The following HMGA2 variants were observed in gnomAD, a reference collection of about 807,000 sequenced individuals.
The protein encoded by HMGA2 is high mobility group protein HMGI-C.
Under a neutral mutation model 19.1 loss-of-function variants are expected in HMGA2, and 8 were observed. That is an observed-to-expected ratio of 0.42 (90% CI 0.25 to 0.76). The LOEUF (loss-of-function observed/expected upper bound fraction) is 0.76, where lower values mean the gene tolerates loss of function less well. HMGA2 is among the 30% of genes least tolerant of loss of function. The pLI is 0.28. For synonymous variants in HMGA2, 60 were observed against 48.8 expected (o/e 1.23, Z -0.96); for missense variants, 109 against 136.3 (o/e 0.80, Z 1.00).
chr12:65,838,368 A>G, intron 2 of HMGA2, 151 bp from the exon 3 acceptor site: 1 of 647,504 alleles, frequency 1.5e-6, no homozygotes, highest in Non-Finnish European at 2.8e-6. Context: ...TTAACCTTAG[A>G]GGAGACGAAG....
chr12:65,839,182 C>T (rs752804252), intron 3 of HMGA2, among the ~76,000 whole-genome samples: 29 of 151,988 alleles, frequency 1.9e-4, no homozygotes, highest in Non-Finnish European at 4.1e-4. Flanking sequence ...TACAAGTGCA[C>T]CTGATCCTAT....
intron 3 of HMGA2, chr12:65,859,968 C>A (rs1336732347): frequency 1.7e-5 from 7 of 423,932 alleles, no homozygotes; most frequent in Non-Finnish European, 3.3e-5. Flanking sequence ...TGGCACACAC[C>A]TATAGTCCCA....
chr12:65,836,338 G>A (rs1870723171), intron 2 of HMGA2, among the ~76,000 whole-genome samples: 1 of 149,526 alleles, frequency 6.7e-6, no homozygotes, highest in East Asian at 2.0e-4. Context: ...CAGCCTGGGC[G>A]ACAGAGCGAG....
chr12:65,916,558 T>A (rs2121229613), intron 3 of HMGA2, among the ~76,000 whole-genome samples: 1 of 152,334 alleles, frequency 6.6e-6, no homozygotes, highest in South Asian at 2.1e-4. Context: ...GCTTGAAGCA[T>A]TTTTTAATGC....
intron 3 of HMGA2, among the ~76,000 whole-genome samples, chr12:65,884,290 T>C (rs1423871012): frequency 1.3e-5 from 2 of 152,208 alleles, no homozygotes; most frequent in Non-Finnish European, 2.9e-5. Flanking sequence ...AAGAACATTT[T>C]GGATTTCAGA....
At chr12:65,853,252 G>T (rs1651052752) in intron 3 of HMGA2, among the ~76,000 whole-genome samples, 1 of 152,122 alleles carries the variant, frequency 6.6e-6, no homozygotes, top group Non-Finnish European at 1.5e-5. Flanking sequence ...ATGCTTAAAT[G>T]AATACTTACA....
At chr12:65,905,743 A>G (rs1874564532) in intron 3 of HMGA2, among the ~76,000 whole-genome samples, 2 of 152,228 alleles carry the variant, frequency 1.3e-5, no homozygotes, top group African/African-American at 2.4e-5. Context: ...TTAAACTAAT[A>G]CATTCTCTTT....
At chr12:65,832,465 A>G (rs891653494) in intron 2 of HMGA2, among the ~76,000 whole-genome samples, 1 of 151,970 alleles carries the variant, frequency 6.6e-6, no homozygotes, top group Non-Finnish European at 1.5e-5. Flanking sequence ...TTTGCTAAGG[A>G]GATAGAATAT....
chr12:65,964,828 G>A lies in HMGA2; in HGVS notation c.*1536G>A, dbSNP rs1303285940. The A allele has an allele frequency of 1.5e-5, 3 of 193,550 alleles. No homozygotes were observed. The highest frequency in any genetic ancestry group is 7.0e-5 in the African/African-American group (3 of 43,078). The allele number at this position is 193,550 out of a possible 1,614,324, so 12.0% of individuals were successfully genotyped here. A position where few individuals can be genotyped will look rare whatever the true frequency, so the allele number is the denominator to read the frequency against. ...AATTTTTTAACCAAGTCGCTCCTAG[G>A]TTCTTAAGGATAATTTTCCTCAATC... On this transcript the variant is annotated 3_prime_UTR_variant, in exon 5 of 5. Coordinates refer to ENST00000403681, the MANE Select transcript of HMGA2 (RefSeq NM_003483.6).
intron 2 of HMGA2, among the ~76,000 whole-genome samples, chr12:65,838,198 T>C (rs773966151): frequency 6.6e-6 from 1 of 152,136 alleles, no homozygotes. Context: ...ATAATGTTTT[T>C]AATATGGACA....
At chr12:65,936,862 T>A (rs1875913445) in intron 3 of HMGA2, among the ~76,000 whole-genome samples, 1 of 152,188 alleles carries the variant, frequency 6.6e-6, no homozygotes, top group Non-Finnish European at 1.5e-5. Flanking sequence ...TCATACTTGA[T>A]CTCAGAGGTC....
intron 3 of HMGA2, chr12:65,856,732 C>T (rs538584247): frequency 6.6e-6 from 1 of 152,576 alleles, no homozygotes; most frequent in African/African-American, 2.4e-5. Flanking sequence ...CCATCTCTTT[C>T]CCTTCACTTC....
rs1402170746 is a variant in HMGA2 at position 65,964,920 on chromosome 12, T to C, written c.*1628T>C. Reference sequence around the variant, plus strand: ...TTACCCTCCAAGTCTGTACCTCAAATGAATTCTTTAAGGAGATGGACTAAT... The same window carrying C: ...TTACCCTCCAAGTCTGTACCTCAAACGAATTCTTTAAGGAGATGGACTAAT... On this transcript the variant is annotated 3_prime_UTR_variant, in exon 5 of 5. Transcript: ENST00000403681. 1 of 188,532 alleles carries C rather than the reference T, an allele frequency of 5.3e-6. No homozygotes were observed. The highest frequency in any genetic ancestry group is 2.3e-5 in the African/African-American group (1 of 42,820). The allele number at this position is 188,532 out of a possible 1,614,324, so 11.7% of individuals were successfully genotyped here.
chr12:65,875,311 A>G (rs1872930173), intron 3 of HMGA2, among the ~76,000 whole-genome samples: 1 of 152,192 alleles, frequency 6.6e-6, no homozygotes, highest in African/African-American at 2.4e-5. Context: ...AAGGTGATCT[A>G]TTTACATACA....
intron 3 of HMGA2, among the ~76,000 whole-genome samples, chr12:65,921,538 C>T (rs531442487): frequency 2.0e-5 from 3 of 152,278 alleles, no homozygotes; most frequent in East Asian, 1.9e-4. Context: ...TGAGCCACTG[C>T]GCCCGGCAGG....
chr12:65,948,894 T>C (rs778871353), intron 3 of HMGA2, among the ~76,000 whole-genome samples: 1 of 152,146 alleles, frequency 6.6e-6, no homozygotes, highest in Non-Finnish European at 1.5e-5. Context: ...GTCACATGAA[T>C]GCGGGAGCCT....
chr12:65,922,644 G>T (rs1875356522), intron 3 of HMGA2, among the ~76,000 whole-genome samples: 1 of 152,170 alleles, frequency 6.6e-6, no homozygotes, highest in East Asian at 1.9e-4. Context: ...GACTTTGGGG[G>T]ACTGTTGGGA....
chr12:65,838,214 A>G (rs1870816325), intron 2 of HMGA2, among the ~76,000 whole-genome samples: 1 of 152,154 alleles, frequency 6.6e-6, no homozygotes, highest in South Asian at 2.1e-4. Context: ...GGACAGAAAT[A>G]AAAGCAAAAT....
rs958512842 is a variant in HMGA2 at position 65,965,653 on chromosome 12, G to A, written c.*2361G>A. The A allele has an allele frequency of 4.5e-5, 10 of 220,536 alleles. No individual in the cohort carries two copies. Among genetic ancestry groups the A allele is most frequent in the African/African-American group, 1.8e-4 (8 of 44,598 alleles). The allele number at this position is 220,536 out of a possible 1,614,324, so 13.7% of individuals were successfully genotyped here. The stretch of plus-strand genomic sequence containing the variant: ...ACAGTGGCTCATAAAAATAAAAGTC[G>A]CATTCCATATCTTTGGATGGGCCTT... On this transcript the variant is annotated 3_prime_UTR_variant, in exon 5 of 5. Transcript: ENST00000403681.
Sources: gnomAD v4.1 joint callset for allele counts (sites outside exome capture counted in the v4.1 genomes callset) on GRCh38, gnomAD v4.1.1 for gene constraint, MANE v1.5 for transcripts, NCBI Gene and HGNC (gene_info 2026-07-23, HGNC 2026-07-21) for gene names.